Variants in PTPN3 observed in about 807,000 individuals in gnomAD.
PTPN3 encodes the protein tyrosine-protein phosphatase non-receptor type 3.
PTPN3 carries 96 observed loss-of-function variants against 132.7 expected under a neutral mutation model. That is an observed-to-expected ratio of 0.72 (90% CI 0.61 to 0.86). The LOEUF (loss-of-function observed/expected upper bound fraction) is 0.86. Among genes scored for constraint, PTPN3 ranks in the 40% least tolerant of loss-of-function variants. PTPN3 has a pLI of 0.00. For synonymous variants in PTPN3, 398 were observed against 429.0 expected, an observed-to-expected ratio of 0.93 and a Z score of 0.89; for missense variants, 1,125 against 1,159.6, an observed-to-expected ratio of 0.97 and a Z score of 0.43.
chr9:109,489,585 T>C (rs1456292505), intron 1 of PTPN3, among the ~76,000 whole-genome samples: 1 of 152,082 alleles, frequency 6.6e-6, no homozygotes, highest in African/African-American at 2.4e-5. Context: ...TCTCAAATTG[T>C]TCTGGTTGGG....
chr9:109,472,994 A>T (rs537498849), intron 1 of PTPN3, among the ~76,000 whole-genome samples: 1 of 152,260 alleles, frequency 6.6e-6, no homozygotes, highest in Non-Finnish European at 1.5e-5. Flanking sequence ...AACACAGTTG[A>T]CAATGCCAGT....
the PTPN3 span, among the ~76,000 whole-genome samples, chr9:109,514,363 C>T: frequency 6.6e-6 from 1 of 152,164 alleles, no homozygotes; most frequent in Non-Finnish European, 1.5e-5. Context: ...GTCCAAACTC[C>T]TTAGTCTGTG....
rs1331708939 is a variant in PTPN3, at chr9:109,427,030, G to A, written c.921C>T (p.Phe307=). Residue 307 remains phenylalanine (F), a synonymous_variant, in exon 12 of 26, where the codon TTC becomes TTT. Transcript: ENST00000374541. ...LWKSCVEHHT[F]FQAKKLLPQE... ...GAGGTAGTAGCTTCTTTGCCTGAAA[G>A]AACGTATGGTGCTCAACACAGGATT... is the stretch of plus-strand genomic sequence containing the variant. The A allele has an allele frequency of 6.2e-7, 1 of 1,613,746 alleles. No homozygotes were observed. The highest frequency in any genetic ancestry group is 2.2e-5 in the East Asian group (1 of 44,888).
At chr9:109,387,400 C>G (rs993831011) in intron 22 of PTPN3, among the ~76,000 whole-genome samples, 5 of 152,184 alleles carry the variant, frequency 3.3e-5, no homozygotes, top group African/African-American at 4.8e-5. Context: ...TGTGCTGCCT[C>G]AAACCTCTTC....
chr9:109,533,617 A>G, the PTPN3 span: 1 of 1,527,414 alleles, frequency 6.5e-7, no homozygotes, highest in East Asian at 2.3e-5. Context: ...TATATCCCTG[A>G]TATATACTCT....
At chr9:109,430,695 A>G (rs1199432677) in intron 10 of PTPN3, among the ~76,000 whole-genome samples, 1 of 152,172 alleles carries the variant, frequency 6.6e-6, no homozygotes, top group Non-Finnish European at 1.5e-5. Context: ...ATGGAAGTAA[A>G]TCACTGTAAC....
chr9:109,379,895 C>G (rs1164301307), intron 25 of PTPN3, among the ~76,000 whole-genome samples: 1 of 152,134 alleles, frequency 6.6e-6, no homozygotes, highest in African/African-American at 2.4e-5. Context: ...AGCAAAAGTC[C>G]CTGCGGGACA....
intron 19 of PTPN3, among the ~76,000 whole-genome samples, chr9:109,394,900 G>A (rs931416045): frequency 8.9e-4 from 135 of 152,314 alleles, no homozygotes; most frequent in African/African-American, 3.2e-3. Context: ...AGCACTTTGG[G>A]AGGCTGAGGC....
chr9:109,487,697 A>G lies in PTPN3; in HGVS notation c.-18+10522T>C, dbSNP rs188401688. On this transcript the variant is annotated intron_variant, in intron 1 of 25. Transcript: ENST00000374541. ...AGACAGCCTAGCAACTTCTACATAGAGAAACTCAGCAAGAAATGCCTAACT... is the reference window on the plus strand; with the variant it reads ...AGACAGCCTAGCAACTTCTACATAGGGAAACTCAGCAAGAAATGCCTAACT... Among the ~76,000 whole-genome samples, 4 of 152,298 alleles carry G rather than the reference A, an allele frequency of 2.6e-5. No homozygotes were observed. In the South Asian group the frequency reaches 6.2e-4, roughly 24 times the overall value.
the PTPN3 span, among the ~76,000 whole-genome samples, chr9:109,515,515 G>A: frequency 6.6e-6 from 1 of 152,242 alleles, no homozygotes; most frequent in East Asian, 1.9e-4. Context: ...CTTGCAGCCC[G>A]AAAGAGCCCA....
intron 1 of PTPN3, among the ~76,000 whole-genome samples, chr9:109,483,811 G>A (rs1394551919): frequency 1.3e-5 from 2 of 152,106 alleles, no homozygotes; most frequent in Non-Finnish European, 2.9e-5. Flanking sequence ...CTGGGTATAC[G>A]TTAAGCTGTG....
chr9:109,460,242 T>A (rs1845775052), intron 2 of PTPN3, among the ~76,000 whole-genome samples: 1 of 152,110 alleles, frequency 6.6e-6, no homozygotes, highest in African/African-American at 2.4e-5. Context: ...GCATTCCAAA[T>A]CCCATCTATC....
the PTPN3 span, among the ~76,000 whole-genome samples, chr9:109,528,027 C>A: frequency 6.6e-6 from 1 of 152,132 alleles, no homozygotes; most frequent in Non-Finnish European, 1.5e-5. Context: ...CATCATTATG[C>A]ATTAGGCTAA....
chr9:109,460,821 C>A (rs1461373409), intron 2 of PTPN3, among the ~76,000 whole-genome samples: 2 of 152,170 alleles, frequency 1.3e-5, no homozygotes, highest in African/African-American at 4.8e-5. Flanking sequence ...ATGTTAGCTT[C>A]AAAAACGCAG....
intron 22 of PTPN3, among the ~76,000 whole-genome samples, chr9:109,389,024 G>C (rs1026830257): frequency 6.6e-6 from 1 of 152,184 alleles, no homozygotes; most frequent in Non-Finnish European, 1.5e-5. Flanking sequence ...CTTCTGGCTT[G>C]TTGTAATGGA....
At chr9:109,534,589 T>A in the PTPN3 span, among the ~76,000 whole-genome samples, 1 of 137,394 alleles carries the variant, frequency 7.3e-6, no homozygotes, top group Non-Finnish European at 1.5e-5. Context: ...CCAGCCTGAC[T>A]AACATGGTGA....
Position 109,427,077 on chromosome 9 carries a change from G to A in PTPN3, c.874C>T (p.Arg292Ter), listed in dbSNP as rs767821078. The change falls in exon 12 of 26, where the codon CGA (arginine) becomes TGA (stop). Residue 292 changes from arginine (R) to a stop codon, truncating the protein, a stop_gained. Transcript: ENST00000374541. LOFTEE classifies it high-confidence loss of function. ...GATTTCCACAAGTTTTTGCAAGATCGGTAATTCAGCATGTTGAAGGCCACA... is the reference window on the plus strand; with the variant it reads ...GATTTCCACAAGTTTTTGCAAGATCAGTAATTCAGCATGTTGAAGGCCACA... ...HIVAFNMLNY[R>*]SCKNLWKSCV... 11 of 1,614,104 alleles carry A rather than the reference G, an allele frequency of 6.8e-6. No individual in the cohort carries two copies. Among genetic ancestry groups the A allele is most frequent in the Non-Finnish European group, 9.3e-6 (11 of 1,179,974 alleles).
intron 14 of PTPN3, among the ~76,000 whole-genome samples, chr9:109,418,298 T>C (rs1751878943): frequency 6.6e-6 from 1 of 152,228 alleles, no homozygotes; most frequent in South Asian, 2.1e-4. Context: ...AGTGTGCCGC[T>C]GGACTTGGGA....
At chr9:109,505,692 A>G in the PTPN3 span, among the ~76,000 whole-genome samples, 1 of 152,104 alleles carries the variant, frequency 6.6e-6, no homozygotes, top group Non-Finnish European at 1.5e-5. Context: ...AATTTTACTA[A>G]TGGTCTTCTA....
Sources: allele counts gnomAD v4.1 joint callset (sites outside exome capture counted in the v4.1 genomes callset), GRCh38; gene constraint gnomAD v4.1.1; transcripts MANE v1.5; gene names NCBI Gene and HGNC (gene_info 2026-07-23, HGNC 2026-07-21).